The following MTFR2 variants were observed in gnomAD, a reference collection of about 807,000 sequenced individuals.
The protein encoded by MTFR2 is mitochondrial fission regulator 2.
MTFR2 carries 44 observed loss-of-function variants against 41.2 expected under a neutral mutation model. The ratio of observed to expected loss-of-function variants is 1.07; its 90% CI spans 0.84 to 1.37. The LOEUF is 1.37. Ranked by LOEUF, MTFR2 falls within the 40% of genes most tolerant of loss-of-function variation. The pLI, the probability that MTFR2 is intolerant of heterozygous loss-of-function variation, is 0.00. For synonymous variants in MTFR2, 141 were observed against 154.6 expected (o/e 0.91, Z 0.65); for missense variants, 452 against 459.5 (o/e 0.98, Z 0.15).
intron 2 of MTFR2, chr6:136,247,475 T>A (rs139418491): frequency 4.4e-6 from 2 of 455,798 alleles, no homozygotes; most frequent in East Asian, 1.4e-4. Flanking sequence ...TCAAAGGCGG[T>A]GCTCAATCCT....
Position 136,239,448 on chromosome 6 carries a change from CA to C in MTFR2, c.869+17del. 6.5e-7 allele frequency: 1 copy of C among 1,531,318 alleles called. No homozygotes were observed. The highest frequency in any genetic ancestry group is 8.8e-7 in the Non-Finnish European group (1 of 1,136,178). The allele number at this position is 1,531,318 out of a possible 1,614,324, so 94.9% of individuals were successfully genotyped here. A position where few individuals can be genotyped will look rare whatever the true frequency, so the allele number is the denominator to read the frequency against. On this transcript the variant is annotated intron_variant, in intron 6 of 7. Coordinates refer to ENST00000420702, the MANE Select transcript of MTFR2 (RefSeq NM_001099286.3). ...ATTGACAAAATTTCAGTTCACTTTT[CA>C]AATTACAACAACATACCGCTCAATT...
At chr6:136,238,439 C>G (rs1311822000) in intron 6 of MTFR2, among the ~76,000 whole-genome samples, 1 of 151,736 alleles carries the variant, frequency 6.6e-6, no homozygotes, top group Non-Finnish European at 1.5e-5. Context: ...AATCCTGTCT[C>G]TATTTTTTTT....
intron 4 of MTFR2, 74 bp from the exon 5 acceptor site, chr6:136,241,750 C>T (rs1583969555): frequency 8.9e-7 from 1 of 1,119,886 alleles, no homozygotes; most frequent in Non-Finnish European, 1.3e-6. Context: ...TCTTACACTC[C>T]TACGTGAAAA....
chr6:136,232,350 G>A (rs1779784494), intron 7 of MTFR2, among the ~76,000 whole-genome samples: 1 of 152,100 alleles, frequency 6.6e-6, no homozygotes, highest in Admixed American at 6.5e-5. Flanking sequence ...CACCTCCCGG[G>A]TTCAACCAAT....
chr6:136,232,131 T>G (rs1779774348), intron 7 of MTFR2, among the ~76,000 whole-genome samples: 1 of 152,206 alleles, frequency 6.6e-6, no homozygotes, highest in Non-Finnish European at 1.5e-5. Flanking sequence ...AATATAATTT[T>G]CTAAGTCAAC....
intron 6 of MTFR2, among the ~76,000 whole-genome samples, chr6:136,234,369 C>G (rs536108581): frequency 4.7e-5 from 7 of 149,558 alleles, no homozygotes; most frequent in Non-Finnish European, 1.0e-4. Flanking sequence ...TGATTAGGGA[C>G]AGAAGCACTT....
chr6:136,239,850 A>G, intron 5 of MTFR2, 30 bp from the exon 6 acceptor site: 1 of 1,537,786 alleles, frequency 6.5e-7, no homozygotes, highest in South Asian at 1.2e-5. Context: ...TTACAAAATC[A>G]TGCACAATTA....
chr6:136,244,619 T>C, intron 3 of MTFR2, 146 bp downstream of exon 3: 3 of 613,342 alleles, frequency 4.9e-6, no homozygotes, highest in South Asian at 1.9e-5. Context: ...CAAAAACATA[T>C]ATGAAATGGC....
Position 136,233,363 on chromosome 6 carries a change from A to C in MTFR2, c.1006T>G (p.Trp336Gly). 1.2e-6 allele frequency: 2 copies of C among 1,613,004 alleles called. No homozygotes were observed. Among genetic ancestry groups the C allele is most frequent in the East Asian group, 2.2e-5 (1 of 44,788 alleles). The change falls in exon 7 of 8, where the codon TGG (tryptophan) becomes GGG (glycine). Residue 336 changes from tryptophan (W) to glycine (G), a missense_variant. Trp to Gly is a radical substitution (Grantham distance 184, BLOSUM62 -2). Coordinates refer to ENST00000420702, the MANE Select transcript of MTFR2 (RefSeq NM_001099286.3). ...DDSFEKENRS[W>G]ESSPFSSPET... Reference sequence around the variant, plus strand: ...GGACTAGAAAATGGGGAAGATTCCCAAGATCTATTCTCTTTCTCAAAAGAA... The same window carrying C: ...GGACTAGAAAATGGGGAAGATTCCCCAGATCTATTCTCTTTCTCAAAAGAA...
At chr6:136,244,186 A>G (rs1321522519) in intron 3 of MTFR2, among the ~76,000 whole-genome samples, 1 of 152,224 alleles carries the variant, frequency 6.6e-6, no homozygotes, top group Non-Finnish European at 1.5e-5. Flanking sequence ...CAGTGTTTAT[A>G]AAGTCTACAG....
chr6:136,239,779 G>C lies in MTFR2; in HGVS notation c.556C>G (p.Leu186Val), dbSNP rs370495314. Reference sequence around the variant, plus strand: ...AGATGGGCAGCCCGCGATGATGACAGCTGACCCAAACTAATGCGCTCGTCA... The same window carrying C: ...AGATGGGCAGCCCGCGATGATGACACCTGACCCAAACTAATGCGCTCGTCA... ...LSDERISLGQ[L>V]SSSRAAHLSV... The change falls in exon 6 of 8, where the codon CTG (leucine) becomes GTG (valine). Residue 186 changes from leucine to valine, a missense_variant. By Grantham distance (32) the Leu-to-Val change is conservative. Coordinates refer to ENST00000420702, the MANE Select transcript of MTFR2 (RefSeq NM_001099286.3). The C allele has an allele frequency of 1.2e-6, 2 of 1,613,658 alleles. No homozygotes were observed. The highest frequency in any genetic ancestry group is 2.7e-5 in the African/African-American group (2 of 74,894).
chr6:136,233,552 CT>C (rs1295907389), intron 6 of MTFR2, 53 bp from the exon 7 acceptor site: 1 of 1,351,126 alleles, frequency 7.4e-7, no homozygotes, highest in Non-Finnish European at 9.8e-7. Flanking sequence ...GTAATTTTAG[CT>C]CCTTGTTGAC....
intron 6 of MTFR2, 122 bp downstream of exon 6, chr6:136,239,344 G>A (rs1211606237): frequency 1.5e-6 from 1 of 661,530 alleles, no homozygotes; most frequent in Non-Finnish European, 2.5e-6. Flanking sequence ...TCTAGGAGAG[G>A]TATTCAGGGG....
chr6:136,244,951 A>C, intron 2 of MTFR2, 82 bp from the exon 3 acceptor site: 2 of 971,668 alleles, frequency 2.1e-6, no homozygotes, highest in Admixed American at 3.1e-5. Context: ...GATGTAAAAA[A>C]GACAAAAAAG....
At position 136,244,798 on chromosome 6, in the gene MTFR2, A is replaced by T; in HGVS notation, c.135T>A (p.Leu45=). Reference sequence around the variant, plus strand: ...TAGGTCTTCGACAAGGTTCCAGTGGAAGCATTTTCCCAATAATACGAACAA... The same window carrying T: ...TAGGTCTTCGACAAGGTTCCAGTGGTAGCATTTTCCCAATAATACGAACAA... ...RSIVRIIGKM[L]PLEPCRRPNF... is the part of the protein sequence containing the mutation. The change falls in exon 3 of 8, where the codon CTT becomes CTA. Residue 45 remains leucine, a synonymous_variant. Transcript: ENST00000420702. The T allele has an allele frequency of 6.2e-7, 1 of 1,612,770 alleles. No homozygotes were observed. The highest frequency in any genetic ancestry group is 8.5e-7 in the Non-Finnish European group (1 of 1,179,498).
intron 2 of MTFR2, 103 bp from the exon 3 acceptor site, chr6:136,244,972 A>AT (rs548108727): frequency 2.7e-3 from 1,817 of 680,354 alleles, no homozygotes; most frequent in South Asian, 3.3e-3. Flanking sequence ...ACGCAGTGGC[A>AT]TTTTTTTTTT....
intron 1 of MTFR2, among the ~76,000 whole-genome samples, chr6:136,249,731 C>A (rs143496945): frequency 3.1e-4 from 47 of 152,274 alleles, no homozygotes; most frequent in African/African-American, 1.1e-3. Context: ...AGCCCTCTTG[C>A]CTGCCACCAT....
At chr6:136,240,984 G>A (rs992322667) in intron 5 of MTFR2, among the ~76,000 whole-genome samples, 16 of 152,012 alleles carry the variant, frequency 1.1e-4, no homozygotes, top group African/African-American at 3.4e-4. Flanking sequence ...CCAGCTACTC[G>A]AGAGGCTGAG....
chr6:136,231,995 G>C (rs933814503), intron 7 of MTFR2, among the ~76,000 whole-genome samples: 6 of 152,158 alleles, frequency 3.9e-5, no homozygotes, highest in African/African-American at 1.4e-4. Flanking sequence ...GATCTAGTGA[G>C]ATGAGTAAAA....
Sources: allele counts gnomAD v4.1 joint callset (sites outside exome capture counted in the v4.1 genomes callset), GRCh38; gene constraint gnomAD v4.1.1; transcripts MANE v1.5; gene names NCBI Gene and HGNC (gene_info 2026-07-23, HGNC 2026-07-21).